The following MBIP variants were observed in gnomAD, a reference collection of about 807,000 sequenced individuals.
MBIP encodes MAP3K12 binding inhibitory protein 1.
In MBIP, 32 loss-of-function variants were observed where a neutral mutation model predicts 45.7. The ratio of observed to expected loss-of-function variants is 0.70; its 90% CI spans 0.53 to 0.94. The LOEUF is 0.94. Among genes scored for constraint, MBIP ranks in the 40% least tolerant of loss-of-function variants. The probability of loss-of-function intolerance (pLI) is 0.00; values close to 1 mark genes in which losing one functional copy is unlikely to be tolerated. For synonymous variants in MBIP, 145 were observed against 141.0 expected (o/e 1.03, Z -0.20); for missense variants, 381 against 405.5 (o/e 0.94, Z 0.52).
intron 4 of MBIP, 101 bp downstream of exon 4, chr14:36,314,411 T>C (rs773633543): frequency 1.9e-5 from 13 of 690,696 alleles, no homozygotes; most frequent in Non-Finnish European, 3.1e-5. Context: ...ATAAATTGAA[T>C]TGTGTTCTAA....
intron 7 of MBIP, among the ~76,000 whole-genome samples, chr14:36,302,638 A>C (rs375191110): frequency 1.3e-5 from 2 of 152,174 alleles, no homozygotes; most frequent in African/African-American, 4.8e-5. Flanking sequence ...TGAGGAAAAT[A>C]AGGTCATCAG....
intron 6 of MBIP, among the ~76,000 whole-genome samples, chr14:36,310,835 C>T (rs549456640): frequency 6.6e-6 from 1 of 152,278 alleles, no homozygotes; most frequent in South Asian, 2.1e-4. Context: ...GCTGGAACTA[C>T]AGATGTGGAC....
At chr14:36,299,278 A>G in intron 8 of MBIP, 88 bp from the exon 9 acceptor site, 1 of 847,824 alleles carries the variant, frequency 1.2e-6, no homozygotes, top group Non-Finnish European at 1.9e-6. Context: ...AAATATTTAA[A>G]ATATTCAAAA....
intron 7 of MBIP, among the ~76,000 whole-genome samples, chr14:36,301,413 T>A (rs541052177): frequency 6.6e-6 from 1 of 152,096 alleles, no homozygotes; most frequent in East Asian, 1.9e-4. Context: ...AAAGGAGAGG[T>A]CTGCTGGAGA....
At chr14:36,315,576 C>A (rs913079474) in intron 2 of MBIP, among the ~76,000 whole-genome samples, 184 of 151,974 alleles carry the variant, frequency 1.2e-3, no homozygotes, top group African/African-American at 4.2e-3. Flanking sequence ...TAGCTGAAAA[C>A]AGGCAGAGGC....
intron 1 of MBIP, among the ~76,000 whole-genome samples, chr14:36,319,249 C>T (rs1252314879): frequency 6.6e-6 from 1 of 152,096 alleles, no homozygotes; most frequent in East Asian, 1.9e-4. Flanking sequence ...TAAGTTCCAA[C>T]GTCGCCATAA....
intron 7 of MBIP, among the ~76,000 whole-genome samples, chr14:36,307,063 C>A (rs891614107): frequency 4.6e-5 from 7 of 152,270 alleles, no homozygotes; most frequent in Admixed American, 4.6e-4. Context: ...CTCATTTGAT[C>A]TTTGCTTCAG....
chr14:36,310,615 G>A (rs531520788), intron 6 of MBIP, among the ~76,000 whole-genome samples: 7 of 152,268 alleles, frequency 4.6e-5, no homozygotes, highest in South Asian at 2.1e-4. Context: ...GCACTCTCAC[G>A]GACTATCTAG....
chr14:36,305,287 T>G (rs1300025998), intron 7 of MBIP: 4 of 152,160 alleles, frequency 2.6e-5, no homozygotes, highest in Non-Finnish European at 4.4e-5. Flanking sequence ...AGGGCTTGTG[T>G]CATGTATGTT....
intron 7 of MBIP, among the ~76,000 whole-genome samples, chr14:36,302,365 G>A (rs1250357747): frequency 6.6e-6 from 1 of 152,016 alleles, no homozygotes; most frequent in Non-Finnish European, 1.5e-5. Context: ...GGTGGCAGGT[G>A]CCTGCAGTCC....
chr14:36,305,002 C>T (rs1879785876), intron 7 of MBIP: 1 of 152,178 alleles, frequency 6.6e-6, no homozygotes, highest in South Asian at 2.1e-4. Flanking sequence ...CTTTCCTTTC[C>T]TATCTTTAGA....
intron 1 of MBIP, among the ~76,000 whole-genome samples, chr14:36,317,410 T>C (rs902839898): frequency 2.6e-5 from 4 of 152,084 alleles, no homozygotes; most frequent in African/African-American, 7.2e-5. Context: ...AACATGTTTA[T>C]TTCAAATAAA....
At chr14:36,303,690 G>A (rs1248626300) in intron 7 of MBIP, among the ~76,000 whole-genome samples, 1 of 152,000 alleles carries the variant, frequency 6.6e-6, no homozygotes, top group African/African-American at 2.4e-5. Context: ...ACACGTTCAC[G>A]CACATGCACA....
chr14:36,315,148 GGAAAAAAGAAAA>G (rs1407568069), intron 2 of MBIP, among the ~76,000 whole-genome samples: 9 of 151,680 alleles, frequency 5.9e-5, no homozygotes, highest in South Asian at 2.1e-4. Context: ...AAAGGAGAGA[GGAAAAAAGAAAA>G]GAAAAAAGAA....
rs146814709 is a variant in MBIP at position 36,306,439 on chromosome 14, T to A, written c.888+1653A>T. 7.2e-3 allele frequency among the ~76,000 whole-genome samples: 1,095 copies of A among 152,058 alleles called. 11 individuals are homozygous for A. The highest frequency in any genetic ancestry group is 0.024 in the Middle Eastern group (7 of 294). On this transcript the variant is annotated intron_variant, in intron 7 of 8. Transcript: ENST00000416007. Reference sequence around the variant, plus strand: ...CCAGCTTATTTTTTTTATTTTTTATTTTTTTGTATTTTTAGTAGAGATGGG... The same window carrying A: ...CCAGCTTATTTTTTTTATTTTTTATATTTTTGTATTTTTAGTAGAGATGGG...
intron 7 of MBIP, among the ~76,000 whole-genome samples, chr14:36,301,607 C>CTG (rs1879556719): frequency 6.6e-6 from 1 of 151,892 alleles, no homozygotes; most frequent in Admixed American, 6.6e-5. Context: ...AACCTGTTTT[C>CTG]TCACAATTAT....
chr14:36,307,505 G>A (rs1197315649), intron 7 of MBIP, among the ~76,000 whole-genome samples: 1 of 152,140 alleles, frequency 6.6e-6, no homozygotes, highest in Non-Finnish European at 1.5e-5. Flanking sequence ...TCTGAAAAAT[G>A]TTGATGTGCC....
At chr14:36,300,868 C>CA (rs1280608072) in intron 7 of MBIP, 45 bp from the exon 8 acceptor site, 2 of 1,220,162 alleles carry the variant, frequency 1.6e-6, no homozygotes, top group Non-Finnish European at 2.3e-6. Flanking sequence ...ATCTAAGCAT[C>CA]ATTTTTTTTT....
intron 7 of MBIP, among the ~76,000 whole-genome samples, chr14:36,301,814 A>G (rs1879574123): frequency 6.6e-6 from 1 of 152,246 alleles, no homozygotes; most frequent in African/African-American, 2.4e-5. Flanking sequence ...GTTTCACACA[A>G]GCACTAGCTT....
Sources: gnomAD v4.1 joint callset for allele counts (sites outside exome capture counted in the v4.1 genomes callset) on GRCh38, gnomAD v4.1.1 for gene constraint, MANE v1.5 for transcripts, NCBI Gene and HGNC (gene_info 2026-07-23, HGNC 2026-07-21) for gene names.